ESPN: variants seen among roughly 807,000 people sequenced by gnomAD.
ESPN encodes the protein espin, also known as autosomal recessive deafness type 36 protein.
ESPN carries 68 observed loss-of-function variants against 77.7 expected under a neutral mutation model. The ratio of observed to expected loss-of-function variants is 0.87; its 90% CI spans 0.72 to 1.07. The LOEUF (loss-of-function observed/expected upper bound fraction) is 1.07. ESPN is among the 50% of genes least tolerant of loss of function. The pLI, the probability that ESPN is intolerant of heterozygous loss-of-function variation, is 0.00. For synonymous variants in ESPN, 449 were observed against 567.1 expected (o/e 0.79, Z 2.96); for missense variants, 1,060 against 1,239.0 (o/e 0.86, Z 2.17).
chr1:6,426,494 A>T lies in ESPN; in HGVS notation c.294+1245A>T, dbSNP rs115468850. Among the ~76,000 whole-genome samples the T allele has an allele frequency of 3.6e-3, 526 of 145,192 alleles. 6 individuals are homozygous for T. Among genetic ancestry groups the T allele is most frequent in the African/African-American group, 0.012 (484 of 39,944 alleles). On this transcript the variant is annotated intron_variant, in intron 1 of 12. Transcript: ENST00000645284. ...TGTGGGGGGAGAAAGTGTGGGGGGG[A>T]TGACCTGGATCCTTGGGCTTGCCCA...
chr1:6,461,138 C>G (rs1414761386), downstream of ESPN: 1 of 631,508 alleles, frequency 1.6e-6, no homozygotes. This position sits in a 1 kb window ranked among gnomAD's most constrained non-coding sequence, Gnocchi z 6.3. Context: ...CCCGCAGAAA[C>G]GCCAAGAAGC....
At chr1:6,436,489 A>T (rs867776314) in intron 2 of ESPN, among the ~76,000 whole-genome samples, 11,461 of 141,324 alleles carry the variant, frequency 0.081, 581 homozygotes, top group African/African-American at 0.13. Context: ...TTTCTTATTT[A>T]TTTATTTATT....
rs2148514790 is a variant in ESPN at position 6,437,686 on chromosome 1, T to A, written c.489-2568T>A. 1 of 152,354 alleles carries A rather than the reference T, an allele frequency of 6.6e-6. No individual in the cohort carries two copies. Among genetic ancestry groups the A allele is most frequent in the Non-Finnish European group, 1.5e-5 (1 of 68,106 alleles). The allele number at this position is 152,354 out of a possible 1,614,324, so 9.4% of individuals were successfully genotyped here. A position where few individuals can be genotyped will look rare whatever the true frequency, so the allele number is the denominator to read the frequency against. ...CCCGCACCATCGTGAAGTGCCGGGC[T>A]CAGCATCAGCCCCAGCAAATGGCAG... On this transcript the variant is annotated intron_variant, in intron 2 of 12. Transcript: ENST00000645284. The surrounding 1 kb of genome is among the most constrained non-coding windows in gnomAD (Gnocchi z 4.5).
chr1:6,454,144 T>C (rs889925059), intron 10 of ESPN, among the ~76,000 whole-genome samples: 22 of 152,314 alleles, frequency 1.4e-4, no homozygotes, highest in Admixed American at 3.3e-4. Flanking sequence ...AAGCCAGGCA[T>C]GGAGACCCCG....
In ESPN at chr1:6,427,542, C is replaced by T. The variant is rs546370301; in HGVS notation, c.295-684C>T. ...ACTAGCCTGCACCTAGCACCCCTGG[C>T]TGACTGCCCCGGACCCGCCCACCAG... On this transcript the variant is annotated intron_variant, in intron 1 of 12. Coordinates refer to ENST00000645284, the MANE Select transcript of ESPN (RefSeq NM_031475.3). This position sits in a 1 kb window ranked among gnomAD's most constrained non-coding sequence, Gnocchi z 4.6. 3.3e-5 allele frequency among the ~76,000 whole-genome samples: 5 copies of T among 152,316 alleles called. No homozygotes were observed. Among genetic ancestry groups the T allele is most frequent in the Non-Finnish European group, 7.4e-5 (5 of 68,010 alleles).
At position 6,445,645 on chromosome 1, in the gene ESPN, C is replaced by G. The variant is rs1333451218; in HGVS notation, c.1193-19C>G. The stretch of plus-strand genomic sequence containing the variant: ...TGTCTGCATGCTCCCAAATCTGGCC[C>G]TTCCTTCTGCCTCCCCAGGGCTTTC... On this transcript the variant is annotated intron_variant, in intron 6 of 12. Transcript: ENST00000645284. 6.2e-7 allele frequency: 1 copy of G among 1,610,600 alleles called. No homozygotes were observed. The highest frequency in any genetic ancestry group is 1.3e-5 in the African/African-American group (1 of 74,988).
Position 6,425,312 on chromosome 1 carries a change from G to T in ESPN, c.294+63G>T. On this transcript the variant is annotated intron_variant, in intron 1 of 12. Transcript: ENST00000645284. ...CTCCTCAGGACAGAGTCCTGGCCCA[G>T]AGTCCCCCGGGGCTCAAGGATGGGT... is the stretch of plus-strand genomic sequence containing the variant. 3 of 1,527,950 alleles carry T rather than the reference G, an allele frequency of 2.0e-6. 1 individual carries two copies. Among genetic ancestry groups the T allele is most frequent in the Middle Eastern group, 2.2e-4 (1 of 4,540 alleles). The allele number at this position is 1,527,950 out of a possible 1,614,324, so 94.6% of individuals were successfully genotyped here.
At chr1:6,457,431 C>G (rs779062172) in intron 12 of ESPN, 59 bp downstream of exon 12, 1 of 1,611,832 alleles carries the variant, frequency 6.2e-7, no homozygotes, top group Admixed American at 1.7e-5. Flanking sequence ...CGCAGAGGGT[C>G]GTCCCTTCAT....
Position 6,444,679 on chromosome 1 carries a change from T to C in ESPN, c.1189T>C (p.Cys397Arg), listed in dbSNP as rs746721437. ...HSSIKGQHPP[C>R]GLSSARAADI... is the part of the protein sequence containing the mutation. ...CAGCATCAAGGGCCAGCACCCTCCA[T>C]GTGGTGAGTGTGCCCAGGAGGAAGA... is the stretch of plus-strand genomic sequence containing the variant. Residue 397 changes from cysteine to arginine, a missense_variant, in exon 6 of 13, where the codon TGT becomes CGT. Cys to Arg is a radical substitution (Grantham distance 180). Transcript: ENST00000645284. 8.1e-6 allele frequency: 13 copies of C among 1,613,948 alleles called. No homozygotes were observed. The highest frequency in any genetic ancestry group is 1.6e-4 in the Middle Eastern group (1 of 6,084).
intron 10 of ESPN, chr1:6,455,281 T>C (rs1644031267): frequency 5.1e-6 from 2 of 388,514 alleles, no homozygotes; most frequent in East Asian, 3.7e-5. Context: ...AAGGAGCGCA[T>C]CGTTTACCTC....
chr1:6,448,863 T>C lies in ESPN; in HGVS notation c.1687T>C (p.Ser563Pro). ...GCGCCTCGGCCCTGCCGCCCGCGGC[T>C]CACTCGAAGGCCCCTCCGCTCCCCC... ...CPRLGPAARG[S>P]LEGPSAPPQA... The change falls in exon 8 of 13, where the codon TCA becomes CCA. Residue 563 changes from serine (S) to proline (P), a missense_variant. By Grantham distance (74) the Ser-to-Pro change is moderately conservative. This residue lies in a region of ESPN where 130 missense variants were observed against 223.9 expected (regional missense o/e 0.58). Coordinates refer to ENST00000645284, the MANE Select transcript of ESPN (RefSeq NM_031475.3). 7.9e-7 allele frequency: 1 copy of C among 1,266,960 alleles called. No individual in the cohort carries two copies. Among genetic ancestry groups the C allele is most frequent in the East Asian group, 3.3e-5 (1 of 29,958 alleles). 78.5% of individuals were successfully genotyped at this position (1,266,960 alleles called of 1,614,324 possible). A position where few individuals can be genotyped will look rare whatever the true frequency, so the allele number is the denominator to read the frequency against.
At chr1:6,446,554 G>C (rs1643847489) in intron 7 of ESPN, among the ~76,000 whole-genome samples, 1 of 152,298 alleles carries the variant, frequency 6.6e-6, no homozygotes, top group South Asian at 2.1e-4. Context: ...GGCCAGGGTG[G>C]GCAGGTGGAG....
rs371653062 is a variant in ESPN, at chr1:6,451,730, C to T, written c.2043C>T (p.Ile681=). ...SKGLTTVFSG[I]GQPAFQPDSP... ...GGCTGACCACAGTGTTCTCAGGCAT[C>T]GGGCAGCCGGCCTTCCAGGTAGGCG... Residue 681 remains isoleucine, a synonymous_variant, in exon 9 of 13, where the codon ATC becomes ATT. Coordinates refer to ENST00000645284, the MANE Select transcript of ESPN (RefSeq NM_031475.3). This position sits in a 1 kb window ranked among gnomAD's most constrained non-coding sequence, Gnocchi z 4.3. 34 of 1,612,470 alleles carry T rather than the reference C, an allele frequency of 2.1e-5. No individual in the cohort carries two copies. The highest frequency in any genetic ancestry group is 8.8e-5 in the South Asian group (8 of 90,974).
At chr1:6,439,550 AGGAGGGAT>A (rs1451477018) in intron 2 of ESPN, among the ~76,000 whole-genome samples, 1 of 152,106 alleles carries the variant, frequency 6.6e-6, no homozygotes, top group Non-Finnish European at 1.5e-5. Context: ...GCCCTCATGG[AGGAGGGAT>A]GGGTACTGAG....
intron 2 of ESPN, among the ~76,000 whole-genome samples, chr1:6,434,002 G>A (rs953522621): frequency 6.6e-6 from 1 of 152,208 alleles, no homozygotes; most frequent in Admixed American, 6.5e-5. Context: ...CCAGGTTCAG[G>A]TGATTCTCCT....
At chr1:6,425,386 C>G in intron 1 of ESPN, 137 bp downstream of exon 1, 1 of 1,136,012 alleles carries the variant, frequency 8.8e-7, no homozygotes, top group Non-Finnish European at 1.2e-6. Context: ...GAGCTCCTTC[C>G]AGAGGCCCTC....
Position 6,444,581 on chromosome 1 carries a change from A to G in ESPN, c.1091A>G (p.Gln364Arg), listed in dbSNP as rs1643759613. Residue 364 changes from glutamine (Q) to arginine (R), a missense_variant, in exon 6 of 13, where the codon CAG (glutamine) becomes CGG (arginine). Physicochemically the swap from Gln to Arg is conservative, Grantham distance 43. This residue lies in a region of ESPN where 556 missense variants were observed against 633.6 expected (regional missense o/e 0.88). Transcript: ENST00000645284. ...TCACCCAATACCACGGTGTCGGTCC[A>G]GCCGCTGAACTTTGACCTCAGCTCG... ...MSSPNTTVSVQPLNFDLSSPT... is the reference protein window; with the variant it reads ...MSSPNTTVSVRPLNFDLSSPT... The G allele has an allele frequency of 1.9e-6, 3 of 1,614,240 alleles. No individual in the cohort carries two copies. Among genetic ancestry groups the G allele is most frequent in the Middle Eastern group, 1.6e-4 (1 of 6,062 alleles).
At chr1:6,459,245 A>T (rs897264414) in intron 12 of ESPN, among the ~76,000 whole-genome samples, 1 of 83,564 alleles carries the variant, frequency 1.2e-5, no homozygotes, top group Admixed American at 9.7e-5. Context: ...TGTCTCAATT[A>T]AAAAAAAAAA....
Position 6,424,964 on chromosome 1 carries a change from G to A in ESPN, c.9G>A (p.Leu3=). 1 of 1,454,746 alleles carries A rather than the reference G, an allele frequency of 6.9e-7. No homozygotes were observed. The allele number at this position is 1,454,746 out of a possible 1,614,324, so 90.1% of individuals were successfully genotyped here. A position where few individuals can be genotyped will look rare whatever the true frequency, so the allele number is the denominator to read the frequency against. Residue 3 remains leucine (L), a synonymous_variant, in exon 1 of 13, where the codon CTG becomes CTA. Transcript: ENST00000645284. Reference sequence around the variant, plus strand: ...GCGCCGCACGCGGCACCATGGCCCTGGAGCAGGCGCTGCAGGCGGCGCGGC... The same window carrying A: ...GCGCCGCACGCGGCACCATGGCCCTAGAGCAGGCGCTGCAGGCGGCGCGGC... MA[L]EQALQAARQG...
Sources: allele counts gnomAD v4.1 joint callset (sites outside exome capture counted in the v4.1 genomes callset), GRCh38; gene constraint gnomAD v4.1.1; regional missense constraint gnomAD v4.1.1; non-coding constraint Gnocchi (gnomAD v3.1); transcripts MANE v1.5; gene names NCBI Gene and HGNC (gene_info 2026-07-23, HGNC 2026-07-21).